Variants in GRIA2 observed in about 807,000 individuals in gnomAD.
GRIA2 encodes the protein glutamate ionotropic receptor AMPA type subunit 2, also known as glutamate receptor 2.
Under a neutral mutation model 97.3 loss-of-function variants are expected in GRIA2, and 14 were observed. The ratio of observed to expected loss-of-function variants is 0.14; its 90% CI spans 0.10 to 0.23. The LOEUF is 0.23. GRIA2 is among the 10% of genes least tolerant of loss of function. The pLI, the probability that GRIA2 is intolerant of heterozygous loss-of-function variation, is 1.00. For missense variants in GRIA2, 558 were observed against 1,069.8 expected (o/e 0.52, Z 6.67); for synonymous variants, 412 against 387.8 (o/e 1.06, Z -0.73).
Position 157,317,687 on chromosome 4 carries a change from G to A in GRIA2, c.696G>A (p.Gly232=), listed in dbSNP as rs1409731384. 8.2e-7 allele frequency: 1 copy of A among 1,224,870 alleles called. No homozygotes were observed. The highest frequency in any genetic ancestry group is 2.4e-5 in the East Asian group (1 of 41,960). The allele number at this position is 1,224,870 out of a possible 1,614,324, so 75.9% of individuals were successfully genotyped here. A position where few individuals can be genotyped will look rare whatever the true frequency, so the allele number is the denominator to read the frequency against. The change falls in exon 5 of 16, where the codon GGG becomes GGA. Residue 232 remains glycine, a synonymous_variant. Coordinates refer to ENST00000264426, the MANE Select transcript of GRIA2 (RefSeq NM_001083619.3). ...TTACCATTGGAAAACATGTTAAAGGGTACCACTACATCATTGCAAATCTGG... is the reference window on the plus strand; with the variant it reads ...TTACCATTGGAAAACATGTTAAAGGATACCACTACATCATTGCAAATCTGG... ...QVITIGKHVK[G]YHYIIANLGF...
intron 2 of GRIA2, among the ~76,000 whole-genome samples, chr4:157,258,054 C>T (rs771967316): frequency 6.6e-5 from 10 of 151,982 alleles, no homozygotes; most frequent in African/African-American, 9.7e-5. Context: ...CTCTTAATCC[C>T]GTCATCTTCC....
intron 2 of GRIA2, among the ~76,000 whole-genome samples, chr4:157,298,781 A>G (rs1416309201): frequency 1.3e-5 from 2 of 151,888 alleles, no homozygotes; most frequent in Non-Finnish European, 2.9e-5. Flanking sequence ...CATTTTCTAA[A>G]CCTAACACTA....
intron 2 of GRIA2, among the ~76,000 whole-genome samples, chr4:157,243,730 T>G (rs1246054155): frequency 2.6e-5 from 4 of 152,100 alleles, no homozygotes; most frequent in Non-Finnish European, 4.4e-5. Context: ...GTGTGCTGTA[T>G]GTACCTGTGC....
chr4:157,351,569 A>G (rs1320327804), intron 12 of GRIA2, among the ~76,000 whole-genome samples: 1 of 152,220 alleles, frequency 6.6e-6, no homozygotes, highest in Admixed American at 6.5e-5. Flanking sequence ...ATATGATTCT[A>G]TGACTAGTAC....
At chr4:157,351,620 C>A (rs554171579) in intron 12 of GRIA2, among the ~76,000 whole-genome samples, 1 of 152,066 alleles carries the variant, frequency 6.6e-6, no homozygotes, top group Non-Finnish European at 1.5e-5. Context: ...GGGTCACTAC[C>A]CAAATCTCAC....
chr4:157,277,846 G>GTATATATGTATA, intron 2 of GRIA2, among the ~76,000 whole-genome samples: 1 of 141,926 alleles, frequency 7.0e-6, no homozygotes, highest in African/African-American at 2.6e-5. Flanking sequence ...ATATATATAT[G>GTATATATGTATA]TATATATGTA....
chr4:157,361,170 A>C lies in GRIA2; in HGVS notation c.2406+46A>C. 1 of 1,411,166 alleles carries C rather than the reference A, an allele frequency of 7.1e-7. No individual in the cohort carries two copies. The highest frequency in any genetic ancestry group is 1.0e-6 in the Non-Finnish European group (1 of 996,766). 87.4% of individuals were successfully genotyped at this position (1,411,166 alleles called of 1,614,324 possible). ...TAATGGGTAACTCAATGCAAAACAA[A>C]GTAAGCAGCAGCTATGCACAGTGTG... is the stretch of plus-strand genomic sequence containing the variant. On this transcript the variant is annotated intron_variant, in intron 14 of 15. Transcript: ENST00000264426. This position sits in a 1 kb window ranked among gnomAD's most constrained non-coding sequence, Gnocchi z 5.2.
chr4:157,260,930 A>G (rs1267697684), intron 2 of GRIA2, among the ~76,000 whole-genome samples: 3 of 150,830 alleles, frequency 2.0e-5, no homozygotes, highest in Non-Finnish European at 4.4e-5. Flanking sequence ...CATTTTCTCT[A>G]TTGATTTGGC....
At chr4:157,222,204 C>G (rs1307484537) in intron 2 of GRIA2, among the ~76,000 whole-genome samples, 1 of 152,118 alleles carries the variant, frequency 6.6e-6, no homozygotes, top group African/African-American at 2.4e-5. Flanking sequence ...TTCCCCAGGG[C>G]GCGCAGTCGG....
intron 2 of GRIA2, among the ~76,000 whole-genome samples, chr4:157,300,189 A>C (rs1441753392): frequency 6.6e-6 from 1 of 152,064 alleles, no homozygotes; most frequent in Non-Finnish European, 1.5e-5. Context: ...TAAAGATGAA[A>C]ATGAATAATT....
intron 3 of GRIA2, among the ~76,000 whole-genome samples, chr4:157,311,378 G>A (rs891479410): frequency 6.6e-6 from 1 of 151,836 alleles, no homozygotes; most frequent in Admixed American, 6.6e-5. Flanking sequence ...CTTCAAATTA[G>A]CTCCTGTGTG....
At chr4:157,271,875 A>G (rs1732041590) in intron 2 of GRIA2, among the ~76,000 whole-genome samples, 3 of 152,098 alleles carry the variant, frequency 2.0e-5, no homozygotes, top group Non-Finnish European at 4.4e-5. Context: ...GTTTGTCAAG[A>G]AACAGGGTTG....
chr4:157,227,663 G>GT (rs1198180259), intron 2 of GRIA2, among the ~76,000 whole-genome samples: 1 of 152,152 alleles, frequency 6.6e-6, no homozygotes, highest in Non-Finnish European at 1.5e-5. Flanking sequence ...TGGCAGCTGG[G>GT]TAGATTATAT....
At chr4:157,336,133 A>G (rs1345948760) in intron 10 of GRIA2, among the ~76,000 whole-genome samples, 2 of 152,186 alleles carry the variant, frequency 1.3e-5, no homozygotes, top group East Asian at 3.9e-4. Flanking sequence ...CTGCAAATGC[A>G]TGGATGCAGT....
intron 2 of GRIA2, among the ~76,000 whole-genome samples, chr4:157,228,790 C>CAAAA (rs5863257): frequency 0.017 from 670 of 39,418 alleles, 17 homozygotes; most frequent in Admixed American, 0.018. Context: ...GATTCCATCT[C>CAAAA]AAAAAAAAAA....
At chr4:157,281,222 C>T (rs907835590) in intron 2 of GRIA2, among the ~76,000 whole-genome samples, 7 of 151,996 alleles carry the variant, frequency 4.6e-5, no homozygotes, top group Non-Finnish European at 7.4e-5. Context: ...CCATTGTATG[C>T]GCCAGAGTTA....
chr4:157,235,900 A>T (rs1051193181), intron 2 of GRIA2, among the ~76,000 whole-genome samples: 7 of 152,040 alleles, frequency 4.6e-5, no homozygotes, highest in African/African-American at 1.4e-4. Context: ...CAGGTTTTAA[A>T]TAGTAAGTTT....
rs1330937535 is a variant in GRIA2, at chr4:157,321,369, AT to A, written c.721-66del. On this transcript the variant is annotated intron_variant, in intron 5 of 15. Transcript: ENST00000264426. ...ATCTAAAACCACAATGTATAGAGTT[AT>A]TTGGTAAATGTTAAGTAGCATTTTG... 5 of 1,069,424 alleles carry A rather than the reference AT, an allele frequency of 4.7e-6. No homozygotes were observed. In the African/African-American group the frequency reaches 6.4e-5, roughly 14 times the overall value. 66.2% of individuals were successfully genotyped at this position (1,069,424 alleles called of 1,614,324 possible).
At position 157,365,968 on chromosome 4, in the gene GRIA2, T is replaced by C. The variant is rs191588278; in HGVS notation, c.*2537T>C. ...AATTTCCAATTTTTCATGTGTACTA[T>C]GTCAGAAAATGCTTTCGATTTTATT... On this transcript the variant is annotated 3_prime_UTR_variant, in exon 16 of 16. Coordinates refer to ENST00000264426, the MANE Select transcript of GRIA2 (RefSeq NM_001083619.3). 1 of 151,732 alleles carries C rather than the reference T, an allele frequency of 6.6e-6. No individual in the cohort carries two copies. Among genetic ancestry groups the C allele is most frequent in the African/African-American group, 2.4e-5 (1 of 41,520 alleles). 9.4% of individuals were successfully genotyped at this position (151,732 alleles called of 1,614,324 possible).
Sources: gnomAD v4.1 joint callset for allele counts (sites outside exome capture counted in the v4.1 genomes callset) on GRCh38, gnomAD v4.1.1 for gene constraint, Gnocchi (gnomAD v3.1) non-coding constraint, MANE v1.5 for transcripts, NCBI Gene and HGNC (gene_info 2026-07-23, HGNC 2026-07-21) for gene names.